CFAP61: variants seen among roughly 807,000 people sequenced by gnomAD.
The protein encoded by CFAP61 is cilia and flagella associated protein 61.
A neutral mutation model predicts 135.6 loss-of-function variants in CFAP61; 107 were observed. The observed-to-expected ratio is 0.79, with a 90% confidence interval of 0.67 to 0.93. The LOEUF is 0.93. Among genes scored for constraint, CFAP61 ranks in the 40% least tolerant of loss-of-function variants. The pLI is 0.00. For missense variants in CFAP61, 1,507 were observed against 1,556.2 expected (o/e 0.97, Z 0.53); for synonymous variants, 575 against 578.5 (o/e 0.99, Z 0.09).
intron 25 of CFAP61, among the ~76,000 whole-genome samples, chr20:20,309,501 A>T (rs986675104): frequency 6.6e-6 from 1 of 152,336 alleles, no homozygotes; most frequent in Non-Finnish European, 1.5e-5. Flanking sequence ...CAGGTGAGGC[A>T]AGGGAGAACC....
intron 25 of CFAP61, among the ~76,000 whole-genome samples, chr20:20,321,708 A>T (rs2057526965): frequency 6.6e-6 from 1 of 152,182 alleles, no homozygotes; most frequent in Non-Finnish European, 1.5e-5. Flanking sequence ...AATTATCCAG[A>T]TGTACGTTGG....
chr20:20,078,342 G>A (rs2046202572), intron 6 of CFAP61, among the ~76,000 whole-genome samples: 1 of 152,308 alleles, frequency 6.6e-6, no homozygotes, highest in Non-Finnish European at 1.5e-5. Context: ...GGTAGGGAAA[G>A]GATCAGGTCA....
intron 21 of CFAP61, chr20:20,267,397 G>A (rs1029957638): frequency 2.0e-5 from 3 of 152,550 alleles, no homozygotes; most frequent in African/African-American, 7.2e-5. Context: ...TGACCAGGCG[G>A]GTGCCGCTGT....
At chr20:20,159,327 T>A in intron 9 of CFAP61, 43 bp from the exon 10 acceptor site, 3 of 1,583,240 alleles carry the variant, frequency 1.9e-6, no homozygotes, top group Non-Finnish European at 2.6e-6. Flanking sequence ...TAAACCACTG[T>A]AGGTGTCGAT....
chr20:20,115,675 T>C (rs1320377691), intron 8 of CFAP61, among the ~76,000 whole-genome samples: 1 of 152,194 alleles, frequency 6.6e-6, no homozygotes, highest in African/African-American at 2.4e-5. Flanking sequence ...CATATATGAG[T>C]GAGAATATGT....
At chr20:20,313,819 T>G (rs2056962732) in intron 25 of CFAP61, among the ~76,000 whole-genome samples, 1 of 152,162 alleles carries the variant, frequency 6.6e-6, no homozygotes, top group South Asian at 2.1e-4. Context: ...TGGCTTCTGG[T>G]GAGAGCTTCT....
intron 26 of CFAP61, among the ~76,000 whole-genome samples, chr20:20,350,018 C>T (rs1191375392): frequency 6.6e-6 from 1 of 152,194 alleles, no homozygotes; most frequent in African/African-American, 2.4e-5. Flanking sequence ...GTGGTACTTG[C>T]ATGAGAATAG....
At chr20:20,243,429 C>G (rs535001139) in intron 18 of CFAP61, among the ~76,000 whole-genome samples, 1 of 147,760 alleles carries the variant, frequency 6.8e-6, no homozygotes, top group South Asian at 2.2e-4. Flanking sequence ...AACAGTCCCC[C>G]AAGTCTTTTT....
At chr20:20,194,535 A>C (rs991713464) in intron 15 of CFAP61, among the ~76,000 whole-genome samples, 1 of 152,122 alleles carries the variant, frequency 6.6e-6, no homozygotes, top group Non-Finnish European at 1.5e-5. Flanking sequence ...ATGTTTCTCT[A>C]TGCTGGTCTT....
At chr20:20,265,436 T>C (rs1255670085) in intron 21 of CFAP61, 1 of 779,670 alleles carries the variant, frequency 1.3e-6, no homozygotes, top group African/African-American at 1.7e-5. Flanking sequence ...GCATCAGTGT[T>C]ATTCTGCTGA....
At chr20:20,195,743 C>G (rs16981668) in intron 15 of CFAP61, among the ~76,000 whole-genome samples, 3 of 152,032 alleles carry the variant, frequency 2.0e-5, no homozygotes, top group African/African-American at 7.2e-5. Flanking sequence ...GGCCCAATTA[C>G]GCAGTTTTAT....
At chr20:20,089,790 G>T (rs1248516266) in intron 6 of CFAP61, among the ~76,000 whole-genome samples, 1 of 152,142 alleles carries the variant, frequency 6.6e-6, no homozygotes, top group African/African-American at 2.4e-5. Context: ...AGTTGTCAAG[G>T]TCTCTGTAGA....
rs752170412 is a variant in CFAP61, at chr20:20,290,382, G to GCCTAATTATGTAA, written c.3208_3216+4dup. 1.9e-6 allele frequency: 3 copies of GCCTAATTATGTAA among 1,590,116 alleles called. No homozygotes were observed. The South Asian group carries it at 3.3e-5, about 18-fold the overall frequency. ...CTCCCTTGGAGGTACAAATGGCACA[G>GCCTAATTATGTAA]CCTAATTATGTAAGTATTATTTCTG... On this transcript the variant is annotated frameshift_variant, in exon 24 of 27. Coordinates refer to ENST00000245957, the MANE Select transcript of CFAP61 (RefSeq NM_015585.4). LOFTEE classifies it high-confidence loss of function.
At chr20:20,309,078 T>G (rs188806895) in intron 25 of CFAP61, among the ~76,000 whole-genome samples, 16 of 152,306 alleles carry the variant, frequency 1.1e-4, no homozygotes, top group African/African-American at 3.8e-4. Context: ...CCTAAATTTT[T>G]TATGGCAAAC....
At chr20:20,236,683 T>G (rs2424295) in intron 18 of CFAP61, among the ~76,000 whole-genome samples, 15,910 of 152,274 alleles carry the variant, frequency 0.1, 896 homozygotes, top group Middle Eastern at 0.16. Flanking sequence ...TGTGGTGTTA[T>G]TAAAGCCTTG....
At chr20:20,199,567 C>G (rs369913344) in intron 16 of CFAP61, among the ~76,000 whole-genome samples, 1 of 152,050 alleles carries the variant, frequency 6.6e-6, no homozygotes, top group Non-Finnish European at 1.5e-5. Flanking sequence ...TAATTACTCT[C>G]GTAATTATCT....
intron 8 of CFAP61, among the ~76,000 whole-genome samples, chr20:20,137,124 G>C (rs144907042): frequency 1.3e-5 from 2 of 152,300 alleles, no homozygotes; most frequent in East Asian, 1.9e-4. Context: ...CTCTCTCTCT[G>C]TGTTGAGCCA....
chr20:20,217,769 T>C (rs78794843), intron 17 of CFAP61, among the ~76,000 whole-genome samples: 1 of 152,196 alleles, frequency 6.6e-6, no homozygotes, highest in Admixed American at 6.5e-5. Context: ...GGCCATCAGC[T>C]TTCCCTCCCA....
intron 25 of CFAP61, among the ~76,000 whole-genome samples, chr20:20,313,091 A>G (rs955400724): frequency 6.6e-6 from 1 of 152,226 alleles, no homozygotes; most frequent in Non-Finnish European, 1.5e-5. Flanking sequence ...GTATCTGGAC[A>G]TACAGTCTTT....
Sources: allele counts gnomAD v4.1 joint callset (sites outside exome capture counted in the v4.1 genomes callset), GRCh38; gene constraint gnomAD v4.1.1; transcripts MANE v1.5; gene names NCBI Gene and HGNC (gene_info 2026-07-23, HGNC 2026-07-21).